The following ARHGAP23 variants were observed in gnomAD, a reference collection of about 807,000 sequenced individuals.
The protein encoded by ARHGAP23 is Rho GTPase activating protein 23, also known as rho GTPase-activating protein 23.
Under a neutral mutation model 136.3 loss-of-function variants are expected in ARHGAP23, and 34 were observed. That is an observed-to-expected ratio of 0.25 (90% CI 0.19 to 0.33). ARHGAP23 has a LOEUF of 0.33. Among genes scored for constraint, ARHGAP23 ranks in the 10% least tolerant of loss-of-function variants. The pLI is 1.00. For synonymous variants in ARHGAP23, 832 were observed against 920.5 expected (o/e 0.90, Z 1.74); for missense variants, 1,808 against 2,139.0 (o/e 0.85, Z 3.05).
chr17:38,499,725 A>AG (rs1055787781), intron 22 of ARHGAP23, among the ~76,000 whole-genome samples: 1 of 151,968 alleles, frequency 6.6e-6, no homozygotes, highest in Admixed American at 6.6e-5. Context: ...CACCTTGTGC[A>AG]GGGGGAGGGG....
chr17:38,428,599 C>T, intron 1 of ARHGAP23, 51 bp downstream of exon 1: 1 of 1,261,768 alleles, frequency 7.9e-7, no homozygotes, highest in Non-Finnish European at 1.0e-6. Context: ...TGCTGGGGAG[C>T]GGGCTGCCAA....
At chr17:38,459,296 A>AT (rs2039404636) in intron 2 of ARHGAP23, among the ~76,000 whole-genome samples, 1 of 152,214 alleles carries the variant, frequency 6.6e-6, no homozygotes, top group Non-Finnish European at 1.5e-5. Flanking sequence ...CGTGCTGGCC[A>AT]TGGACATGCA....
intron 1 of ARHGAP23, among the ~76,000 whole-genome samples, chr17:38,455,541 G>A (rs1482427115): frequency 6.6e-6 from 1 of 152,214 alleles, no homozygotes; most frequent in Non-Finnish European, 1.5e-5. Flanking sequence ...CAGGATGTGT[G>A]CTGGGGGAGG....
intron 23 of ARHGAP23, among the ~76,000 whole-genome samples, chr17:38,507,740 C>T (rs1156321306): frequency 6.6e-6 from 1 of 152,194 alleles, no homozygotes; most frequent in African/African-American, 2.4e-5. Flanking sequence ...CCAGGGGGTG[C>T]CTTCTGGTGT....
At chr17:38,470,996 A>G (rs1234044482) in intron 10 of ARHGAP23, among the ~76,000 whole-genome samples, 1 of 148,158 alleles carries the variant, frequency 6.7e-6, no homozygotes, top group African/African-American at 2.5e-5. Flanking sequence ...TCTATTGCCC[A>G]GGCTGGAGTG....
chr17:38,508,615 C>G (rs1429625090), intron 23 of ARHGAP23, among the ~76,000 whole-genome samples: 1 of 152,054 alleles, frequency 6.6e-6, no homozygotes, highest in South Asian at 2.1e-4. Flanking sequence ...GGCAGGAAAC[C>G]CTATTAGGAG....
chr17:38,443,861 A>G (rs907836064), intron 1 of ARHGAP23, among the ~76,000 whole-genome samples: 50 of 151,830 alleles, frequency 3.3e-4, no homozygotes, highest in Non-Finnish European at 7.4e-5. Context: ...TGCACCTGTT[A>G]CCTCTGCCCA....
At chr17:38,485,715 G>A (rs1460013454) in intron 16 of ARHGAP23, among the ~76,000 whole-genome samples, 1 of 152,204 alleles carries the variant, frequency 6.6e-6, no homozygotes, top group African/African-American at 2.4e-5. Context: ...ACAGGAAGGA[G>A]CCGGCACGAA....
chr17:38,510,734 C>T lies in ARHGAP23; in HGVS notation c.4238C>T (p.Pro1413Leu). 14 of 1,479,346 alleles carry T rather than the reference C, an allele frequency of 9.5e-6. No individual in the cohort carries two copies. Among genetic ancestry groups the T allele is most frequent in the East Asian group, 5.9e-5 (2 of 33,960 alleles). The allele number at this position is 1,479,346 out of a possible 1,614,324, so 91.6% of individuals were successfully genotyped here. The stretch of plus-strand genomic sequence containing the variant: ...CGCCACACCGTGGTGGTGCAGAGCC[C>T]GCTGACTGACCTCAACTTCAACGAG... ...WRRHTVVVQS[P>L]LTDLNFNEWK... The change falls in exon 24 of 24, where the codon CCG (proline) becomes CTG (leucine). Residue 1413 changes from proline (P) to leucine (L), a missense_variant. Around this residue, in one of 7 missense-constraint regions of ARHGAP23, gnomAD observed 506 missense variants for 455.8 expected, o/e 1.11. Coordinates refer to ENST00000622683, the MANE Select transcript of ARHGAP23 (RefSeq NM_001199417.2). The surrounding 1 kb of genome is among the most constrained non-coding windows in gnomAD (Gnocchi z 4.6).
In ARHGAP23 at chr17:38,460,472, G is replaced by A. The variant is rs138988203; in HGVS notation, c.226-433G>A. ...CAGTGCCTTCTACCCGCCACCCTCA[G>A]ATGTCTTTTGAGTCCCCTCCCCAGG... is the stretch of plus-strand genomic sequence containing the variant. On this transcript the variant is annotated intron_variant, in intron 2 of 23. Coordinates refer to ENST00000622683, the MANE Select transcript of ARHGAP23 (RefSeq NM_001199417.2). Among the ~76,000 whole-genome samples, 3 of 152,210 alleles carry A rather than the reference G, an allele frequency of 2.0e-5. No homozygotes were observed. In the East Asian group the frequency reaches 5.8e-4, roughly 29 times the overall value.
chr17:38,472,675 G>A (rs945311998), intron 11 of ARHGAP23, among the ~76,000 whole-genome samples: 3 of 152,206 alleles, frequency 2.0e-5, no homozygotes, highest in African/African-American at 7.2e-5. Flanking sequence ...AGGCTGCGCT[G>A]TGGGCTGGAG....
chr17:38,475,435 G>A (rs564116144), intron 11 of ARHGAP23, among the ~76,000 whole-genome samples: 2 of 152,348 alleles, frequency 1.3e-5, no homozygotes, highest in East Asian at 1.9e-4. Flanking sequence ...CTCCCTGGAG[G>A]GCTCTGCTGT....
At chr17:38,474,424 G>T (rs1181086949) in intron 11 of ARHGAP23, among the ~76,000 whole-genome samples, 1 of 152,168 alleles carries the variant, frequency 6.6e-6, no homozygotes, top group Non-Finnish European at 1.5e-5. Flanking sequence ...CTGCTGGGAG[G>T]TATGGAAGGA....
intron 12 of ARHGAP23, among the ~76,000 whole-genome samples, chr17:38,479,030 C>T (rs902203169): frequency 6.6e-6 from 1 of 152,198 alleles, no homozygotes; most frequent in Non-Finnish European, 1.5e-5. Flanking sequence ...TGGGCCTCCT[C>T]CTCTGGGGGC....
At position 38,510,633 on chromosome 17, in the gene ARHGAP23, G is replaced by A. The variant is rs2040740451; in HGVS notation, c.4137G>A (p.Thr1379=). 7.4e-7 allele frequency: 1 copy of A among 1,353,526 alleles called. No individual in the cohort carries two copies. The highest frequency in any genetic ancestry group is 2.7e-4 in the Middle Eastern group (1 of 3,658). The allele number at this position is 1,353,526 out of a possible 1,614,324, so 83.8% of individuals were successfully genotyped here. Reference sequence around the variant, plus strand: ...CGCTGCGTCTAAGGCTCCGCGGCACGGCGGACGACATGCTCGCCGTGCGCC... The same window carrying A: ...CGCTGCGTCTAAGGCTCCGCGGCACAGCGGACGACATGCTCGCCGTGCGCC... ...MEALRLRLRG[T]ADDMLAVRLR... Residue 1379 remains threonine (T), a synonymous_variant, in exon 24 of 24, where the codon ACG becomes ACA. Transcript: ENST00000622683. This position sits in a 1 kb window ranked among gnomAD's most constrained non-coding sequence, Gnocchi z 4.6.
At chr17:38,486,193 C>A in intron 17 of ARHGAP23, 53 bp downstream of exon 17, 2 of 1,438,234 alleles carry the variant, frequency 1.4e-6, no homozygotes, top group Non-Finnish European at 9.6e-7. Flanking sequence ...CGTGCCTCAC[C>A]CTGACCACTA....
At chr17:38,504,459 C>T (rs1444905511) in intron 23 of ARHGAP23, among the ~76,000 whole-genome samples, 2 of 152,184 alleles carry the variant, frequency 1.3e-5, no homozygotes, top group African/African-American at 4.8e-5. Context: ...GCCTGGCCTC[C>T]CGCCAGGCTG....
chr17:38,498,130 G>A (rs550707441), intron 21 of ARHGAP23, among the ~76,000 whole-genome samples: 1 of 152,332 alleles, frequency 6.6e-6, no homozygotes, highest in South Asian at 2.1e-4. Context: ...ACTTAGGTTG[G>A]AGGAGTTCCA....
In ARHGAP23 at chr17:38,479,476, T is replaced by C. The variant is rs191238438; in HGVS notation, c.2477T>C (p.Leu826Pro). ...AACCAAGCTCTGATCAGCAAGAAGC[T>C]TAACGATTATCGCAAAGTGAGGTGA... ...CANQALISKK[L>P]NDYRKVSHSS... The change falls in exon 13 of 24, where the codon CTT becomes CCT. Residue 826 changes from leucine (L) to proline (P), a missense_variant. Physicochemically the swap from Leu to Pro is moderately conservative, Grantham distance 98. Transcript: ENST00000622683. The C allele has an allele frequency of 9.7e-5, 150 of 1,548,454 alleles. 1 individual carries two copies. Among genetic ancestry groups the C allele is most frequent in the Non-Finnish European group, 1.2e-4 (137 of 1,145,770 alleles).
Sources: gnomAD v4.1 joint callset for allele counts (sites outside exome capture counted in the v4.1 genomes callset) on GRCh38, gnomAD v4.1.1 for gene constraint, gnomAD v4.1.1 regional missense constraint, Gnocchi (gnomAD v3.1) non-coding constraint, MANE v1.5 for transcripts, NCBI Gene and HGNC (gene_info 2026-07-23, HGNC 2026-07-21) for gene names.